The following CELF4 variants were observed in gnomAD, a reference collection of about 807,000 sequenced individuals.
CELF4 encodes the protein CUG-BP- and ETR-3-like factor 4.
CELF4 carries 18 observed loss-of-function variants against 59.9 expected under a neutral mutation model. The ratio of observed to expected loss-of-function variants is 0.30; its 90% CI spans 0.21 to 0.45. The LOEUF is 0.45. Among genes scored for constraint, CELF4 ranks in the 20% least tolerant of loss-of-function variants. The pLI is 1.00. For missense variants in CELF4, 456 were observed against 689.0 expected, an observed-to-expected ratio of 0.66 and a Z score of 3.79; for synonymous variants, 261 against 267.1, an observed-to-expected ratio of 0.98 and a Z score of 0.22.
At chr18:37,521,940 C>T (rs2099957913) in intron 1 of CELF4, among the ~76,000 whole-genome samples, 1 of 152,208 alleles carries the variant, frequency 6.6e-6, no homozygotes, top group Non-Finnish European at 1.5e-5. Context: ...CTTTTGCTGT[C>T]TGCTCCACCT....
chr18:37,347,329 C>A (rs1432628131), intron 2 of CELF4, among the ~76,000 whole-genome samples: 2 of 152,088 alleles, frequency 1.3e-5, no homozygotes, highest in African/African-American at 4.8e-5. Context: ...TCATCCGAGG[C>A]CCTTGTGTGG....
At chr18:37,475,881 T>A (rs536563515) in intron 2 of CELF4, among the ~76,000 whole-genome samples, 1 of 152,290 alleles carries the variant, frequency 6.6e-6, no homozygotes, top group African/African-American at 2.4e-5. Flanking sequence ...TCCCTTTACA[T>A]ACACAACCAA....
At chr18:37,382,884 G>T (rs756759070) in intron 2 of CELF4, among the ~76,000 whole-genome samples, 8 of 152,104 alleles carry the variant, frequency 5.3e-5, no homozygotes, top group Non-Finnish European at 1.0e-4. Context: ...TAAGCGCCCT[G>T]ACCCTGACCC....
chr18:37,470,879 T>TGAGAGAGAGAGAGAGA (rs1569569553), intron 2 of CELF4, among the ~76,000 whole-genome samples: 1 of 85,098 alleles, frequency 1.2e-5, no homozygotes, highest in Non-Finnish European at 2.4e-5. Flanking sequence ...TGTGTGTGTG[T>TGAGAGAGAGAGAGAGA]GTGTGTGTGA....
chr18:37,435,984 G>A (rs1030868636), intron 2 of CELF4, among the ~76,000 whole-genome samples: 6 of 152,140 alleles, frequency 3.9e-5, no homozygotes, highest in South Asian at 2.1e-4. Context: ...CAGGACCCCC[G>A]CTGCAGGGCC....
chr18:37,444,478 A>G (rs1391371375), intron 2 of CELF4, among the ~76,000 whole-genome samples: 2 of 152,110 alleles, frequency 1.3e-5, no homozygotes, highest in Non-Finnish European at 2.9e-5. Flanking sequence ...GAGGTCACTT[A>G]TGAATATTAA....
At chr18:37,301,019 A>T (rs553205729) in intron 3 of CELF4, among the ~76,000 whole-genome samples, 1 of 152,330 alleles carries the variant, frequency 6.6e-6, no homozygotes, top group Admixed American at 6.5e-5. Flanking sequence ...TGACCAAAGC[A>T]TCTGATTGGG....
chr18:37,333,585 GGA>G (rs1254048683), intron 2 of CELF4, among the ~76,000 whole-genome samples: 1 of 152,072 alleles, frequency 6.6e-6, no homozygotes, highest in Non-Finnish European at 1.5e-5. Context: ...CACGCCTCAT[GGA>G]GAGGCAAGAT....
chr18:37,370,391 G>C (rs143593784), intron 2 of CELF4, among the ~76,000 whole-genome samples: 6 of 152,184 alleles, frequency 3.9e-5, no homozygotes, highest in Admixed American at 1.3e-4. Context: ...CACTTAGAAG[G>C]GGTATGGCAG....
chr18:37,410,365 G>C (rs1284910790), intron 2 of CELF4, among the ~76,000 whole-genome samples: 1 of 152,174 alleles, frequency 6.6e-6, no homozygotes, highest in Non-Finnish European at 1.5e-5. Context: ...ATGTTTAAAG[G>C]GCCAGAGGCC....
intron 2 of CELF4, among the ~76,000 whole-genome samples, chr18:37,338,332 C>T (rs956451199): frequency 7.6e-6 from 1 of 130,984 alleles, no homozygotes; most frequent in African/African-American, 3.4e-5. Flanking sequence ...ACTGCCACCA[C>T]CACCACTGTC....
rs573831241 is a variant in CELF4 at position 37,412,393 on chromosome 18, A to G, written c.369+73132T>C. Among the ~76,000 whole-genome samples the G allele has an allele frequency of 4.6e-5, 7 of 152,344 alleles. No individual in the cohort carries two copies. In the East Asian group the frequency reaches 1.2e-3, roughly 25 times the overall value. ...TGTTTCTTCTTGCCCTCACCTCCAC[A>G]GTCCTTAGTCCAGGCCTGAATTTTC... On this transcript the variant is annotated intron_variant, in intron 2 of 12. Transcript: ENST00000420428.
At chr18:37,439,039 A>T (rs1052460572) in intron 2 of CELF4, among the ~76,000 whole-genome samples, 8 of 152,214 alleles carry the variant, frequency 5.3e-5, no homozygotes, top group Non-Finnish European at 8.8e-5. Flanking sequence ...CTGAGAGCCC[A>T]GCAGCCTCCT....
At position 37,380,838 on chromosome 18, in the gene CELF4, C is replaced by A. The variant is rs111075036; in HGVS notation, c.370-58957G>T. Among the ~76,000 whole-genome samples the A allele has an allele frequency of 3.9e-3, 354 of 90,038 alleles. 2 individuals are homozygous for A. The highest frequency in any genetic ancestry group is 0.013 in the African/African-American group (342 of 26,754). 59.1% of individuals were successfully genotyped at this position (90,038 alleles called of 152,430 possible). On this transcript the variant is annotated intron_variant, in intron 2 of 12. Transcript: ENST00000420428. ...ATCCATCCATCATCTATCCTTCTAT[C>A]CTTTCCTCCATCCATTTATCCATCC...
chr18:37,294,461 T>C (rs2095527185), intron 3 of CELF4, among the ~76,000 whole-genome samples: 1 of 152,174 alleles, frequency 6.6e-6, no homozygotes, highest in Non-Finnish European at 1.5e-5. Flanking sequence ...CCTGCTCCTA[T>C]GCATGGGTCA....
chr18:37,526,692 A>T lies in CELF4; in HGVS notation c.286+38664T>A, dbSNP rs1055613869. On this transcript the variant is annotated intron_variant, in intron 1 of 12. Coordinates refer to ENST00000420428, the MANE Select transcript of CELF4 (RefSeq NM_020180.4). ...GGATCATGTTAGGTTTAAAATGCAA[A>T]CTCTGGACGTCCTTCTTGACAAAGG... Among the ~76,000 whole-genome samples, 13 of 152,292 alleles carry T rather than the reference A, an allele frequency of 8.5e-5. No individual in the cohort carries two copies. In the East Asian group the frequency reaches 2.3e-3, roughly 27 times the overall value.
intron 2 of CELF4, among the ~76,000 whole-genome samples, chr18:37,414,503 CTTTTT>C (rs55943928): frequency 8.6e-6 from 1 of 116,060 alleles, no homozygotes; most frequent in African/African-American, 3.3e-5. Context: ...CTTTTCTTTT[CTTTTT>C]TTTTTTTTTT....
At chr18:37,308,532 T>C (rs1043839392) in intron 3 of CELF4, among the ~76,000 whole-genome samples, 5 of 152,204 alleles carry the variant, frequency 3.3e-5, no homozygotes, top group Non-Finnish European at 5.9e-5. Context: ...CTGATCTCCC[T>C]GCCCCCAGAC....
chr18:37,405,934 T>A (rs1216234781), intron 2 of CELF4, among the ~76,000 whole-genome samples: 2 of 152,178 alleles, frequency 1.3e-5, no homozygotes, highest in Non-Finnish European at 1.5e-5. Flanking sequence ...CTAACATATA[T>A]TTTAAAATAA....
Sources: allele counts gnomAD v4.1 joint callset (sites outside exome capture counted in the v4.1 genomes callset), GRCh38; gene constraint gnomAD v4.1.1; transcripts MANE v1.5; gene names NCBI Gene and HGNC (gene_info 2026-07-23, HGNC 2026-07-21).